The following RUNX1T1 variants were observed in gnomAD, a reference collection of about 807,000 sequenced individuals.
RUNX1T1 encodes the protein protein CBFA2T1.
In RUNX1T1, 4 loss-of-function variants were observed where a neutral mutation model predicts 62.8. The observed-to-expected ratio is 0.06, with a 90% CI of 0.03 to 0.15. RUNX1T1 has a LOEUF of 0.15. Ranked by LOEUF, RUNX1T1 falls within the 10% of genes least tolerant of loss-of-function variation. The pLI, the probability that RUNX1T1 is intolerant of heterozygous loss-of-function variation, is 1.00. For missense variants in RUNX1T1, 508 were observed against 754.3 expected, an observed-to-expected ratio of 0.67 and a Z score of 3.82; for synonymous variants, 291 against 286.0, an observed-to-expected ratio of 1.02 and a Z score of -0.18.
At chr8:92,013,042 A>G (rs1329455991) in intron 3 of RUNX1T1, among the ~76,000 whole-genome samples, 1 of 152,154 alleles carries the variant, frequency 6.6e-6, no homozygotes, top group East Asian at 1.9e-4. Context: ...AATAAAGAAC[A>G]TGTCAAATTT....
rs529042593 is a variant in RUNX1T1 at position 91,997,525 on chromosome 8, C to T, written c.660-5636G>A. ...CTTACACACTCACTTATCTGAGTTT[C>T]GACAGACATTTCACAAGTCCAAACT... On this transcript the variant is annotated intron_variant, in intron 5 of 10. Coordinates refer to ENST00000396218, the Ensembl canonical transcript of RUNX1T1. Among the ~76,000 whole-genome samples the T allele has an allele frequency of 7.9e-5, 12 of 152,212 alleles. No individual in the cohort carries two copies. The South Asian group carries it at 1.7e-3, about 21-fold the overall frequency.
Position 92,005,315 on chromosome 8 carries a change from G to T in RUNX1T1, c.478-18C>A. 1.2e-6 allele frequency: 2 copies of T among 1,606,214 alleles called. No homozygotes were observed. The highest frequency in any genetic ancestry group is 1.7e-6 in the Non-Finnish European group (2 of 1,177,644). Reference sequence around the variant, plus strand: ...AAGTTGGCCTGCAAGGGAATGACAGGAATGAGAGGACGGACTGAAAGTTTT... The same window carrying T: ...AAGTTGGCCTGCAAGGGAATGACAGTAATGAGAGGACGGACTGAAAGTTTT... On this transcript the variant is annotated intron_variant, in intron 4 of 10. Coordinates refer to ENST00000396218, the Ensembl canonical transcript of RUNX1T1.
chr8:92,019,424 G>C (rs1029475786), intron 1 of RUNX1T1, among the ~76,000 whole-genome samples: 1 of 152,086 alleles, frequency 6.6e-6, no homozygotes. Context: ...GCAGGAGGGG[G>C]AGGGGAAGTG....
upstream of RUNX1T1, among the ~76,000 whole-genome samples, chr8:92,066,262 C>T (rs1050849024): frequency 6.6e-6 from 1 of 152,194 alleles, no homozygotes; most frequent in Admixed American, 6.5e-5. Flanking sequence ...CACAAAGTGG[C>T]ACACCAGCTT....
intron 8 of RUNX1T1, among the ~76,000 whole-genome samples, chr8:91,985,712 A>G (rs1816414123): frequency 6.6e-6 from 1 of 152,190 alleles, no homozygotes; most frequent in Non-Finnish European, 1.5e-5. Flanking sequence ...AATTTGAAAC[A>G]TACATCCCCA....
At chr8:92,025,199 C>T (rs978575381) in intron 1 of RUNX1T1, among the ~76,000 whole-genome samples, 5 of 152,182 alleles carry the variant, frequency 3.3e-5, no homozygotes, top group African/African-American at 1.2e-4. Context: ...CTCCAAACCA[C>T]ATCCAGTTAT....
chr8:91,955,805 A>C (rs1410467698), downstream of RUNX1T1: 1 of 226,782 alleles, frequency 4.4e-6, no homozygotes, highest in African/African-American at 2.2e-5. Context: ...TGAAAACTAC[A>C]CATAAAAACT....
At chr8:92,055,963 C>T (rs1830969393) in intron 1 of RUNX1T1, among the ~76,000 whole-genome samples, 1 of 152,166 alleles carries the variant, frequency 6.6e-6, no homozygotes, top group Non-Finnish European at 1.5e-5. Flanking sequence ...AAACAATGTC[C>T]ATTTCACAGG....
At chr8:92,028,513 G>A (rs1475386175) in intron 1 of RUNX1T1, among the ~76,000 whole-genome samples, 2 of 152,112 alleles carry the variant, frequency 1.3e-5, no homozygotes, top group African/African-American at 4.8e-5. Flanking sequence ...GGCAGCCTGG[G>A]ATCTAACGAC....
At chr8:92,043,779 C>T (rs888959971) in intron 1 of RUNX1T1, among the ~76,000 whole-genome samples, 1 of 151,898 alleles carries the variant, frequency 6.6e-6, no homozygotes, top group Admixed American at 6.6e-5. Context: ...AAGTTCGAGA[C>T]CAGCCTGGCT....
At chr8:91,964,335 T>G (rs2976501) in intron 10 of RUNX1T1, among the ~76,000 whole-genome samples, 108,986 of 151,976 alleles carry the variant, frequency 0.72, 40,324 homozygotes, top group East Asian at 0.99. Flanking sequence ...GTCTCTGAAC[T>G]GCTTTAAGTC....
At chr8:91,994,692 G>T in intron 5 of RUNX1T1, 1 of 452,282 alleles carries the variant, frequency 2.2e-6, no homozygotes, top group South Asian at 1.8e-5. Flanking sequence ...CTGAAGGTAG[G>T]CAATGAAGAA....
intron 6 of RUNX1T1, among the ~76,000 whole-genome samples, chr8:91,990,760 C>T (rs1303291402): frequency 6.6e-6 from 1 of 151,758 alleles, no homozygotes; most frequent in Admixed American, 6.6e-5. Context: ...TGGGCTCAAG[C>T]GATCCTCCTG....
intron 1 of RUNX1T1, among the ~76,000 whole-genome samples, chr8:92,030,133 C>G (rs1825956463): frequency 6.6e-6 from 1 of 152,082 alleles, no homozygotes. Flanking sequence ...TTCCCTCTCC[C>G]TAGAAAATCC....
chr8:92,087,371 C>T (rs961572160), intron 1 of RUNX1T1, among the ~76,000 whole-genome samples: 1 of 125,124 alleles, frequency 8.0e-6, no homozygotes, highest in Non-Finnish European at 1.6e-5. Context: ...TCTCTCCACC[C>T]CTACTCCACC....
intron 1 of RUNX1T1, among the ~76,000 whole-genome samples, chr8:92,090,027 G>A (rs1836745202): frequency 6.6e-6 from 1 of 150,394 alleles, no homozygotes; most frequent in Non-Finnish European, 1.5e-5. Flanking sequence ...TTGTCCGTAT[G>A]AGAGTTGGGA....
intron 1 of RUNX1T1, chr8:92,095,708 A>C: frequency 1.4e-6 from 1 of 701,664 alleles, no homozygotes; most frequent in Non-Finnish European, 2.1e-6. Context: ...GCGGGGGCTC[A>C]GACCCCAGGA....
chr8:92,013,048 A>T (rs1039493360), intron 3 of RUNX1T1, among the ~76,000 whole-genome samples: 6 of 152,158 alleles, frequency 3.9e-5, no homozygotes, highest in African/African-American at 1.4e-4. Flanking sequence ...GAACATGTCA[A>T]ATTTATAAGG....
intron 1 of RUNX1T1, among the ~76,000 whole-genome samples, chr8:92,028,360 A>AT (rs1300988937): frequency 6.6e-6 from 1 of 152,178 alleles, no homozygotes; most frequent in Non-Finnish European, 1.5e-5. Flanking sequence ...ATACTGGTGG[A>AT]TGCCAGGCAT....
Sources: allele counts gnomAD v4.1 joint callset (sites outside exome capture counted in the v4.1 genomes callset), GRCh38; gene constraint gnomAD v4.1.1; transcripts MANE v1.5; gene names NCBI Gene and HGNC (gene_info 2026-07-23, HGNC 2026-07-21).